The following AP3B1 variants were observed in gnomAD, a reference collection of about 807,000 sequenced individuals.
The protein encoded by AP3B1 is AP-3 complex subunit beta-1.
In AP3B1, 61 loss-of-function variants were observed where a neutral mutation model predicts 132.5. The ratio of observed to expected loss-of-function variants is 0.46; its 90% CI spans 0.37 to 0.57. The LOEUF is 0.57. Ranked by LOEUF, AP3B1 falls within the 20% of genes least tolerant of loss-of-function variation. The pLI, the probability that AP3B1 is intolerant of heterozygous loss-of-function variation, is 0.00. For synonymous variants in AP3B1, 388 were observed against 438.3 expected (o/e 0.89, Z 1.43); for missense variants, 1,120 against 1,289.4 (o/e 0.87, Z 2.01).
chr5:78,033,127 A>G (rs1020579136), intron 24 of AP3B1, among the ~76,000 whole-genome samples: 1 of 152,064 alleles, frequency 6.6e-6, no homozygotes, highest in Non-Finnish European at 1.5e-5. Context: ...GAGCTTTGTC[A>G]TTGGGTTCAC....
intron 20 of AP3B1, among the ~76,000 whole-genome samples, chr5:78,107,692 G>A (rs1268398382): frequency 6.6e-6 from 1 of 152,076 alleles, no homozygotes; most frequent in African/African-American, 2.4e-5. Flanking sequence ...TGTCTTCTAA[G>A]GAAAGTGGCT....
At chr5:78,193,412 T>C (rs907142037) in intron 7 of AP3B1, among the ~76,000 whole-genome samples, 2 of 151,942 alleles carry the variant, frequency 1.3e-5, no homozygotes, top group African/African-American at 4.8e-5. Context: ...AAACAAGATA[T>C]ATTAAGGAAA....
chr5:78,047,996 G>A (rs929218759), intron 22 of AP3B1, among the ~76,000 whole-genome samples: 1 of 152,176 alleles, frequency 6.6e-6, no homozygotes, highest in Admixed American at 6.5e-5. Context: ...TCTGTGCAGT[G>A]GCAACTGACT....
chr5:78,255,450 C>A (rs1171652872), intron 2 of AP3B1, among the ~76,000 whole-genome samples: 2 of 106,322 alleles, frequency 1.9e-5, no homozygotes, highest in Admixed American at 2.0e-4. Context: ...AGTTGCTATA[C>A]AATACCAAAC....
At chr5:78,099,334 A>G (rs138533324) in intron 21 of AP3B1, among the ~76,000 whole-genome samples, 3 of 152,214 alleles carry the variant, frequency 2.0e-5, no homozygotes, top group African/African-American at 7.2e-5. Flanking sequence ...AGGATCAGTC[A>G]ATTGTTCTCA....
intron 2 of AP3B1, among the ~76,000 whole-genome samples, chr5:78,246,185 C>T (rs998203374): frequency 2.6e-5 from 4 of 152,222 alleles, no homozygotes; most frequent in African/African-American, 9.6e-5. Context: ...TACCTGTTCT[C>T]TAACTTCACA....
chr5:78,184,699 A>AAAAAAAAAAAAAAAAAAC (rs1491328377), intron 7 of AP3B1, among the ~76,000 whole-genome samples: 4 of 151,924 alleles, frequency 2.6e-5, no homozygotes, highest in African/African-American at 9.7e-5. Context: ...AAAAAAAAAA[A>AAAAAAAAAAAAAAAAAAC]CAGAGTCTCA....
chr5:78,180,767 A>G (rs1744331946), intron 8 of AP3B1, among the ~76,000 whole-genome samples: 2 of 152,042 alleles, frequency 1.3e-5, no homozygotes, highest in Admixed American at 1.3e-4. Context: ...ACTTATGCAG[A>G]TTAGAAAGAT....
At chr5:78,278,570 G>GC (rs1244888816) in intron 1 of AP3B1, among the ~76,000 whole-genome samples, 2 of 68,242 alleles carry the variant, frequency 2.9e-5, no homozygotes, top group South Asian at 5.6e-4. Context: ...CTGCACTCCA[G>GC]CCTGGGCGAC....
intron 13 of AP3B1, among the ~76,000 whole-genome samples, chr5:78,157,601 C>T (rs1281181235): frequency 2.0e-5 from 3 of 152,138 alleles, no homozygotes; most frequent in African/African-American, 4.8e-5. Flanking sequence ...GTTATTAATG[C>T]TAATGATGCC....
At chr5:78,041,495 G>A (rs1422906701) in intron 22 of AP3B1, among the ~76,000 whole-genome samples, 1 of 151,628 alleles carries the variant, frequency 6.6e-6, no homozygotes, top group Non-Finnish European at 1.5e-5. Context: ...GGAAGTTGAG[G>A]CTGCAGTGAG....
chr5:78,212,678 G>C (rs1745791828), intron 7 of AP3B1, among the ~76,000 whole-genome samples: 1 of 152,030 alleles, frequency 6.6e-6, no homozygotes. Flanking sequence ...AAAAAGAGAG[G>C]TAAACTCTCA....
At chr5:78,125,315 G>A (rs1752411308) in intron 17 of AP3B1, among the ~76,000 whole-genome samples, 1 of 152,048 alleles carries the variant, frequency 6.6e-6, no homozygotes, top group Non-Finnish European at 1.5e-5. Context: ...GACTTCTACT[G>A]TCAATCTGAC....
At chr5:78,172,939 C>G (rs144247483) in intron 11 of AP3B1, among the ~76,000 whole-genome samples, 4,689 of 152,126 alleles carry the variant, frequency 0.031, 109 homozygotes, top group Non-Finnish European at 0.047. Context: ...TAAATGTGTC[C>G]CAGAGATTCT....
Position 78,022,807 on chromosome 5 carries a change from A to AT in AP3B1, c.2895-2019dup, listed in dbSNP as rs566228315. On this transcript the variant is annotated intron_variant, in intron 24 of 26. Transcript: ENST00000255194. The stretch of plus-strand genomic sequence containing the variant: ...AATTAATAGTCTAGGCAGGATTTTG[A>AT]TTTTTTTTAAGGATTTACTGTGTGT... Among the ~76,000 whole-genome samples the AT allele has an allele frequency of 8.6e-4, 131 of 152,068 alleles. 1 individual carries two copies. Among genetic ancestry groups the AT allele is most frequent in the Non-Finnish European group, 9.1e-4 (62 of 67,982 alleles).
chr5:78,291,733 G>A (rs990090578), intron 1 of AP3B1, among the ~76,000 whole-genome samples: 6 of 152,020 alleles, frequency 3.9e-5, no homozygotes, highest in African/African-American at 1.4e-4. Context: ...AAAGAGACAT[G>A]GCAACTAAAT....
rs561028320 is a variant in AP3B1 at position 78,167,462 on chromosome 5, G to A, written c.1168-1790C>T. On this transcript the variant is annotated intron_variant, in intron 11 of 26. Coordinates refer to ENST00000255194, the MANE Select transcript of AP3B1 (RefSeq NM_003664.5). ...TTAAAAAAGTAAAAGTAGAACTACT[G>A]TTTGATCCAGCAATCCCACCAGTAG... is the stretch of plus-strand genomic sequence containing the variant. Among the ~76,000 whole-genome samples, 15 of 152,228 alleles carry A rather than the reference G, an allele frequency of 9.9e-5. No homozygotes were observed. In the South Asian group the frequency reaches 2.3e-3, roughly 23 times the overall value.
intron 15 of AP3B1, among the ~76,000 whole-genome samples, chr5:78,131,238 AT>A: frequency 6.6e-6 from 1 of 152,096 alleles, no homozygotes; most frequent in African/African-American, 2.4e-5. Flanking sequence ...TGGAGAATAC[AT>A]TTTTATATGG....
chr5:78,179,343 T>C (rs1300339083), intron 8 of AP3B1, among the ~76,000 whole-genome samples: 1 of 152,180 alleles, frequency 6.6e-6, no homozygotes, highest in Non-Finnish European at 1.5e-5. Context: ...TCTTTAAAAT[T>C]CTAGCTGCCA....
Sources: allele counts gnomAD v4.1 joint callset (sites outside exome capture counted in the v4.1 genomes callset), GRCh38; gene constraint gnomAD v4.1.1; transcripts MANE v1.5; gene names NCBI Gene and HGNC (gene_info 2026-07-23, HGNC 2026-07-21).